Variants in SOX6 observed in about 807,000 individuals in gnomAD.
The protein encoded by SOX6 is transcription factor SOX-6.
SOX6 carries 11 observed loss-of-function variants against 97.8 expected under a neutral mutation model. That is an observed-to-expected ratio of 0.11 (90% CI 0.07 to 0.19). SOX6 has a LOEUF of 0.19. SOX6 is among the 10% of genes least tolerant of loss of function. The pLI, the probability that SOX6 is intolerant of heterozygous loss-of-function variation, is 1.00. For synonymous variants in SOX6, 360 were observed against 371.4 expected, an observed-to-expected ratio of 0.97 and a Z score of 0.35; for missense variants, 810 against 1,039.5, an observed-to-expected ratio of 0.78 and a Z score of 3.04.
At chr11:16,077,859 A>C (rs1057329381) in intron 9 of SOX6, among the ~76,000 whole-genome samples, 1 of 152,150 alleles carries the variant, frequency 6.6e-6, no homozygotes, top group African/African-American at 2.4e-5. Context: ...ATCAGGTACT[A>C]CACTTATTAC....
intron 4 of SOX6, among the ~76,000 whole-genome samples, chr11:16,578,636 T>C (rs113814651): frequency 0.011 from 1,667 of 152,270 alleles, 18 homozygotes; most frequent in Middle Eastern, 0.044. Context: ...GATTTCCTTT[T>C]TCAAAATTTG....
At chr11:16,262,037 G>T (rs1343337376) in intron 3 of SOX6, among the ~76,000 whole-genome samples, 2 of 151,870 alleles carry the variant, frequency 1.3e-5, no homozygotes, top group African/African-American at 4.8e-5. Flanking sequence ...AAAGCACAAA[G>T]GCTCTTTCAA....
chr11:16,429,992 A>G (rs1363491065), intron 1 of SOX6, among the ~76,000 whole-genome samples: 2 of 152,210 alleles, frequency 1.3e-5, no homozygotes, highest in Admixed American at 6.5e-5. Context: ...ACTATAAAAT[A>G]GAAACAATAG....
At chr11:16,413,355 T>C (rs1394017567) in intron 1 of SOX6, among the ~76,000 whole-genome samples, 1 of 152,034 alleles carries the variant, frequency 6.6e-6, no homozygotes, top group Non-Finnish European at 1.5e-5. Flanking sequence ...CTTGCAAAGA[T>C]TTACAGAGCC....
At chr11:16,410,882 T>A (rs999473643) in intron 1 of SOX6, among the ~76,000 whole-genome samples, 1 of 151,758 alleles carries the variant, frequency 6.6e-6, no homozygotes, top group Non-Finnish European at 1.5e-5. Flanking sequence ...TTTCTTATTG[T>A]TTTAACATAA....
intron 1 of SOX6, among the ~76,000 whole-genome samples, chr11:16,414,904 T>C (rs1377253180): frequency 6.6e-6 from 1 of 152,146 alleles, no homozygotes; most frequent in Non-Finnish European, 1.5e-5. Context: ...TATTTTGTAA[T>C]ATTCTATATT....
At chr11:16,666,737 A>C (rs765999892) in intron 3 of SOX6, among the ~76,000 whole-genome samples, 6 of 152,190 alleles carry the variant, frequency 3.9e-5, no homozygotes, top group Non-Finnish European at 7.3e-5. Flanking sequence ...CACAGGTTGC[A>C]GTGAACCGAG....
rs773789169 is a variant in SOX6 at position 16,300,315 on chromosome 11, C to A, written c.445+18131G>T. Among the ~76,000 whole-genome samples, 42 of 152,116 alleles carry A rather than the reference C, an allele frequency of 2.8e-4. No individual in the cohort carries two copies. The highest frequency in any genetic ancestry group is 2.9e-5 in the Non-Finnish European group (2 of 68,012). On this transcript the variant is annotated intron_variant, in intron 3 of 15. Transcript: ENST00000683767. The surrounding 1 kb of genome is among the most constrained non-coding windows in gnomAD (Gnocchi z 4.1). ...CCACAATATTAGACATTTTTACTGTCCCTTCCTTAAGAAAAAGCAGGTCTA... is the reference window on the plus strand; with the variant it reads ...CCACAATATTAGACATTTTTACTGTACCTTCCTTAAGAAAAAGCAGGTCTA...
At chr11:16,514,639 G>C (rs954240149) in intron 4 of SOX6, among the ~76,000 whole-genome samples, 13 of 151,380 alleles carry the variant, frequency 8.6e-5, no homozygotes, top group African/African-American at 2.7e-4. Flanking sequence ...CTGGTGCGCT[G>C]CACCCACTAA....
intron 4 of SOX6, among the ~76,000 whole-genome samples, chr11:16,575,104 A>G (rs1316712521): frequency 2.0e-5 from 3 of 152,100 alleles, no homozygotes; most frequent in Non-Finnish European, 4.4e-5. Context: ...GAACAAGCAC[A>G]TTACAAAAGA....
chr11:16,057,364 G>A (rs1847842613), intron 9 of SOX6, among the ~76,000 whole-genome samples: 1 of 152,016 alleles, frequency 6.6e-6, no homozygotes. Context: ...TATTTTGTTA[G>A]ATTTAAGATT....
At chr11:16,009,255 T>TAG (rs1373395057) in intron 13 of SOX6, among the ~76,000 whole-genome samples, 1 of 152,120 alleles carries the variant, frequency 6.6e-6, no homozygotes. Flanking sequence ...TATTATACTC[T>TAG]AGTTGCCTTG....
intron 13 of SOX6, among the ~76,000 whole-genome samples, chr11:16,006,588 T>C (rs1854562598): frequency 6.6e-6 from 1 of 152,050 alleles, no homozygotes; most frequent in Admixed American, 6.6e-5. Flanking sequence ...TCTCTTTGCT[T>C]ATCCAAACCT....
intron 4 of SOX6, among the ~76,000 whole-genome samples, chr11:16,510,352 G>A (rs1259447139): frequency 2.6e-5 from 4 of 151,854 alleles, no homozygotes; most frequent in Non-Finnish European, 4.4e-5. Flanking sequence ...ATTCTATACC[G>A]CCCTATTTTT....
chr11:16,063,746 A>T (rs1848024949), intron 9 of SOX6, among the ~76,000 whole-genome samples: 1 of 150,270 alleles, frequency 6.7e-6, no homozygotes, highest in African/African-American at 2.4e-5. Context: ...AAACTCAGTG[A>T]GGCACTGGGC....
intron 4 of SOX6, among the ~76,000 whole-genome samples, chr11:16,502,886 C>A (rs1249499607): frequency 6.6e-6 from 1 of 152,032 alleles, no homozygotes; most frequent in African/African-American, 2.4e-5. Flanking sequence ...CAGAGAGATG[C>A]AAGTTAAAAA....
In SOX6 at chr11:16,184,802, C is replaced by T. The variant is rs567381783; in HGVS notation, c.709-848G>A. Among the ~76,000 whole-genome samples the T allele has an allele frequency of 1.3e-3, 200 of 152,232 alleles. 1 individual carries two copies. The highest frequency in any genetic ancestry group is 4.7e-3 in the African/African-American group (196 of 41,556). Reference sequence around the variant, plus strand: ...CATCAGGCCACTATTGACTCAAAAGCTGAGCTGCTACAGCTCGAAGTCCAG... The same window carrying T: ...CATCAGGCCACTATTGACTCAAAAGTTGAGCTGCTACAGCTCGAAGTCCAG... On this transcript the variant is annotated intron_variant, in intron 5 of 15. Transcript: ENST00000683767.
intron 1 of SOX6, among the ~76,000 whole-genome samples, chr11:16,376,025 T>TCC (rs1187410294): frequency 5.0e-4 from 76 of 152,078 alleles, no homozygotes; most frequent in Middle Eastern, 6.8e-3. Flanking sequence ...ATGGGGCCTG[T>TCC]CAGGGAGTTG....
chr11:16,632,296 C>T (rs1003733428), intron 3 of SOX6, among the ~76,000 whole-genome samples: 1 of 152,108 alleles, frequency 6.6e-6, no homozygotes, highest in Non-Finnish European at 1.5e-5. Context: ...TTTCCCTTTC[C>T]CCCAAGGTCT....
Sources: gnomAD v4.1 joint callset for allele counts (sites outside exome capture counted in the v4.1 genomes callset) on GRCh38, gnomAD v4.1.1 for gene constraint, Gnocchi (gnomAD v3.1) non-coding constraint, MANE v1.5 for transcripts, NCBI Gene and HGNC (gene_info 2026-07-23, HGNC 2026-07-21) for gene names.